Variants in MANBA observed in about 807,000 individuals in gnomAD.
The protein encoded by MANBA is mannosidase beta.
In MANBA, 83 loss-of-function variants were observed where a neutral mutation model predicts 111.1. The observed-to-expected ratio is 0.75, with a 90% confidence interval of 0.63 to 0.90. The LOEUF is 0.90. MANBA is among the 40% of genes least tolerant of loss of function. MANBA has a pLI of 0.00. For synonymous variants in MANBA, 370 were observed against 378.7 expected (o/e 0.98, Z 0.27); for missense variants, 1,036 against 1,069.0 (o/e 0.97, Z 0.43).
chr4:102,715,086 C>T (rs1175406009), intron 4 of MANBA, among the ~76,000 whole-genome samples: 1 of 152,164 alleles, frequency 6.6e-6, no homozygotes, highest in Non-Finnish European at 1.5e-5. Context: ...ACAATGATCC[C>T]CCCTTTGAAG....
At chr4:102,725,412 A>G (rs1487809996) in intron 2 of MANBA, among the ~76,000 whole-genome samples, 3 of 152,054 alleles carry the variant, frequency 2.0e-5, no homozygotes, top group Non-Finnish European at 2.9e-5. Flanking sequence ...CTTTTAGGTA[A>G]TCGACTCATA....
chr4:102,673,433 G>C (rs1731581497), intron 8 of MANBA, among the ~76,000 whole-genome samples: 1 of 151,838 alleles, frequency 6.6e-6, no homozygotes, highest in Non-Finnish European at 1.5e-5. Context: ...GCTTGAGCCT[G>C]GGAGGCGGAG....
intron 5 of MANBA, among the ~76,000 whole-genome samples, chr4:102,702,112 A>G (rs924301233): frequency 1.3e-5 from 2 of 151,496 alleles, no homozygotes; most frequent in Admixed American, 1.3e-4. Flanking sequence ...CATTCATTTC[A>G]TCTTCCATCA....
chr4:102,638,899 A>G (rs766303823), intron 14 of MANBA, among the ~76,000 whole-genome samples: 1 of 152,184 alleles, frequency 6.6e-6, no homozygotes, highest in Non-Finnish European at 1.5e-5. Flanking sequence ...CCTGGGTGTC[A>G]GAACAAGACT....
chr4:102,751,819 A>T lies in MANBA; in HGVS notation c.177+8899T>A. The stretch of plus-strand genomic sequence containing the variant: ...ATAATGACAATTGTTGGACATAGGG[A>T]TGTCTTAAAAGATGTGGCCTGGGCC... On this transcript the variant is annotated intron_variant, in intron 1 of 16. Coordinates refer to ENST00000647097, the MANE Select transcript of MANBA (RefSeq NM_005908.4). 9.8e-6 allele frequency: 5 copies of T among 510,198 alleles called. 1 individual carries two copies. Among genetic ancestry groups the T allele is most frequent in the South Asian group, 4.5e-5 (3 of 66,912 alleles). 31.6% of individuals were successfully genotyped at this position (510,198 alleles called of 1,614,324 possible).
intron 5 of MANBA, among the ~76,000 whole-genome samples, chr4:102,701,103 C>G (rs1055400981): frequency 2.0e-5 from 3 of 152,140 alleles, no homozygotes; most frequent in African/African-American, 7.2e-5. Flanking sequence ...TATCCCTTTA[C>G]CATTATGTAA....
chr4:102,697,600 A>C (rs1295539839), intron 5 of MANBA, among the ~76,000 whole-genome samples: 3 of 145,658 alleles, frequency 2.1e-5, no homozygotes, highest in Non-Finnish European at 4.5e-5. Flanking sequence ...GAGTGAGAAT[A>C]TGCGGTGTTT....
At chr4:102,749,900 T>C (rs901266190) in intron 1 of MANBA, among the ~76,000 whole-genome samples, 2 of 152,208 alleles carry the variant, frequency 1.3e-5, no homozygotes, top group African/African-American at 4.8e-5. Context: ...GTCCTTTGAT[T>C]TTCAGTTCGG....
chr4:102,750,848 G>T (rs938050230), intron 1 of MANBA, among the ~76,000 whole-genome samples: 3 of 152,108 alleles, frequency 2.0e-5, no homozygotes, highest in African/African-American at 7.2e-5. Context: ...AGGAGGTTAA[G>T]CCTGCAGTGA....
chr4:102,730,662 C>T, intron 1 of MANBA: 1 of 539,556 alleles, frequency 1.9e-6, no homozygotes, highest in Non-Finnish European at 3.8e-6. Flanking sequence ...GCTCAGTGCT[C>T]GTGTGCTTCT....
intron 5 of MANBA, among the ~76,000 whole-genome samples, chr4:102,699,361 C>A (rs964400846): frequency 6.6e-6 from 1 of 151,782 alleles, no homozygotes; most frequent in Non-Finnish European, 1.5e-5. Flanking sequence ...CCTTCTCCTG[C>A]CTAATTGCCC....
At chr4:102,694,443 A>T (rs763706898) in intron 5 of MANBA, among the ~76,000 whole-genome samples, 14 of 152,148 alleles carry the variant, frequency 9.2e-5, no homozygotes, top group Non-Finnish European at 8.8e-5. Flanking sequence ...TGCTAAATTA[A>T]ATTTATAAAT....
At chr4:102,729,427 TC>T in intron 1 of MANBA, 1 of 1,239,036 alleles carries the variant, frequency 8.1e-7, no homozygotes, top group Non-Finnish European at 1.2e-6. Flanking sequence ...GCGGCTGTTG[TC>T]CATGGGCAGC....
At chr4:102,695,739 A>G (rs1732678955) in intron 5 of MANBA, among the ~76,000 whole-genome samples, 2 of 152,138 alleles carry the variant, frequency 1.3e-5, no homozygotes, top group African/African-American at 4.8e-5. Context: ...AGCGATGCCT[A>G]CCAAAAGGAA....
chr4:102,728,949 T>C, intron 1 of MANBA: 1 of 775,412 alleles, frequency 1.3e-6, no homozygotes, highest in Non-Finnish European at 2.3e-6. Context: ...TGGATACTCA[T>C]GTTCTGCATC....
At chr4:102,734,729 T>A in intron 1 of MANBA, 1 of 664,270 alleles carries the variant, frequency 1.5e-6, no homozygotes, top group Non-Finnish European at 2.6e-6. Flanking sequence ...GAGGAGGCTG[T>A]GACACCCTCT....
At chr4:102,685,618 T>C (rs1383650137) in intron 7 of MANBA, among the ~76,000 whole-genome samples, 1 of 152,142 alleles carries the variant, frequency 6.6e-6, no homozygotes, top group Non-Finnish European at 1.5e-5. Flanking sequence ...TAACTCTTTT[T>C]AGTCTTTCCC....
intron 1 of MANBA, among the ~76,000 whole-genome samples, chr4:102,758,701 C>T (rs1386678425): frequency 1.3e-5 from 2 of 151,984 alleles, no homozygotes; most frequent in African/African-American, 4.8e-5. Context: ...CGCCACCACG[C>T]CCAGTTAATT....
intron 5 of MANBA, among the ~76,000 whole-genome samples, chr4:102,694,801 G>A (rs1039558844): frequency 6.6e-6 from 1 of 152,060 alleles, no homozygotes; most frequent in Non-Finnish European, 1.5e-5. Context: ...AGGCAATGCT[G>A]GCCTGCCCTC....
Sources: allele counts gnomAD v4.1 joint callset (sites outside exome capture counted in the v4.1 genomes callset), GRCh38; gene constraint gnomAD v4.1.1; transcripts MANE v1.5; gene names NCBI Gene and HGNC (gene_info 2026-07-23, HGNC 2026-07-21).